CSMD1: variants seen among roughly 807,000 people sequenced by gnomAD.
CSMD1 encodes CUB and Sushi multiple domains 1.
CSMD1 carries 213 observed loss-of-function variants against 417.5 expected under a neutral mutation model. The ratio of observed to expected loss-of-function variants is 0.51; its 90% confidence interval spans 0.46 to 0.57. CSMD1 has a LOEUF of 0.57. Among genes scored for constraint, CSMD1 ranks in the 20% least tolerant of loss-of-function variants. The pLI, the probability that CSMD1 is intolerant of heterozygous loss-of-function variation, is 0.00. For missense variants in CSMD1, 6,923 were observed against 4,529.7 expected (o/e 1.53, Z -15.17); for synonymous variants, 2,862 against 1,736.8 (o/e 1.65, Z -16.11).
chr8:4,672,284 C>G (rs555145015), intron 1 of CSMD1, among the ~76,000 whole-genome samples: 1 of 152,076 alleles, frequency 6.6e-6, no homozygotes, highest in African/African-American at 2.4e-5. Flanking sequence ...TTGTGCTCTC[C>G]CAAATGAAAA....
At chr8:4,526,583 G>C (rs1796524497) in intron 2 of CSMD1, among the ~76,000 whole-genome samples, 2 of 152,276 alleles carry the variant, frequency 1.3e-5, no homozygotes, top group South Asian at 4.1e-4. Flanking sequence ...CACACACATT[G>C]GTAAACACTG....
intron 12 of CSMD1, among the ~76,000 whole-genome samples, chr8:3,444,446 A>G (rs1378410560): frequency 6.6e-6 from 1 of 152,194 alleles, no homozygotes; most frequent in Non-Finnish European, 1.5e-5. Flanking sequence ...AAACAATAAA[A>G]GAAATTACTG....
At chr8:4,548,737 C>T (rs936243951) in intron 2 of CSMD1, among the ~76,000 whole-genome samples, 1 of 152,064 alleles carries the variant, frequency 6.6e-6, no homozygotes, top group Non-Finnish European at 1.5e-5. Context: ...AAGGTAATTA[C>T]AGAACCGCTT....
At chr8:3,291,773 G>C (rs762855288) in intron 25 of CSMD1, among the ~76,000 whole-genome samples, 2 of 151,716 alleles carry the variant, frequency 1.3e-5, no homozygotes, top group Non-Finnish European at 2.9e-5. Flanking sequence ...TGTCCAAAAA[G>C]TCAGCTCCTG....
At chr8:3,609,865 C>A (rs780220862) in intron 8 of CSMD1, among the ~76,000 whole-genome samples, 1 of 118,966 alleles carries the variant, frequency 8.4e-6, no homozygotes, top group Non-Finnish European at 1.6e-5. Context: ...GTCCCCCAGG[C>A]TGAAGTGAAG....
chr8:4,040,015 G>T (rs757598450), intron 3 of CSMD1, among the ~76,000 whole-genome samples: 30 of 151,824 alleles, frequency 2.0e-4, no homozygotes, highest in Non-Finnish European at 5.9e-5. Context: ...TACATGTCAG[G>T]ACTGTTAAAA....
chr8:3,042,069 A>G (rs1811133588), intron 50 of CSMD1, among the ~76,000 whole-genome samples: 1 of 152,064 alleles, frequency 6.6e-6, no homozygotes, highest in South Asian at 2.1e-4. Flanking sequence ...TCATCATCAC[A>G]CAATGGTTTC....
intron 3 of CSMD1, among the ~76,000 whole-genome samples, chr8:4,112,028 T>G (rs1801883306): frequency 6.6e-6 from 1 of 152,206 alleles, no homozygotes. Flanking sequence ...ATGAAATGTA[T>G]AAAAATCTAC....
chr8:3,933,405 G>C (rs1244603015), intron 5 of CSMD1, among the ~76,000 whole-genome samples: 1 of 152,110 alleles, frequency 6.6e-6, no homozygotes, highest in South Asian at 2.1e-4. Context: ...GAGTCTATCA[G>C]GACTTGTATG....
intron 1 of CSMD1, among the ~76,000 whole-genome samples, chr8:4,964,376 G>A (rs528392719): frequency 2.6e-5 from 4 of 151,620 alleles, no homozygotes; most frequent in South Asian, 2.1e-4. Flanking sequence ...AAAATAAGCC[G>A]GGTCTAGTGG....
chr8:3,189,143 T>C, intron 34 of CSMD1, 132 bp from the exon 35 acceptor site: 1 of 754,528 alleles, frequency 1.3e-6, no homozygotes, highest in Non-Finnish European at 2.0e-6. Context: ...TAAACGGCAC[T>C]TTTAGCCAAG....
chr8:3,387,692 C>T lies in CSMD1; in HGVS notation c.2594-10G>A. The T allele has an allele frequency of 1.9e-6, 3 of 1,586,932 alleles. No homozygotes were observed. Among genetic ancestry groups the T allele is most frequent in the Non-Finnish European group, 1.7e-6 (2 of 1,166,132 alleles). On this transcript the variant is annotated splice_polypyrimidine_tract_variant and intron_variant, in intron 17 of 69. Transcript: ENST00000635120. ...GACTCAAGCGTCACACCTGGATGCA[C>T]AGAACGAATGCAGTCGATGAGGATC...
intron 4 of CSMD1, among the ~76,000 whole-genome samples, chr8:4,019,125 A>G (rs866827402): frequency 6.6e-6 from 1 of 152,186 alleles, no homozygotes; most frequent in African/African-American, 2.4e-5. Flanking sequence ...GTACTAGGCC[A>G]TGGTATCGTA....
Position 3,611,278 on chromosome 8 carries a change from G to C in CSMD1, c.1097+5432C>G, listed in dbSNP as rs951704646. 2.0e-5 allele frequency among the ~76,000 whole-genome samples: 3 copies of C among 151,932 alleles called. No homozygotes were observed. In the South Asian group the frequency reaches 6.2e-4, roughly 32 times the overall value. ...AAAAAAAAAGAAAGTCCTTGAGGGA[G>C]CAGGGAAAATGATTGTTTTAATAAA... On this transcript the variant is annotated intron_variant, in intron 8 of 69. Coordinates refer to ENST00000635120, the MANE Select transcript of CSMD1 (RefSeq NM_033225.6).
At chr8:3,856,427 T>C (rs1193755849) in intron 5 of CSMD1, among the ~76,000 whole-genome samples, 1 of 152,168 alleles carries the variant, frequency 6.6e-6, no homozygotes, top group Non-Finnish European at 1.5e-5. Flanking sequence ...TTTATAGCAA[T>C]GCAAGAACAG....
rs539288344 is a variant in CSMD1 at position 4,533,010 on chromosome 8, C to G, written c.302+104332G>C. On this transcript the variant is annotated intron_variant, in intron 2 of 69. Transcript: ENST00000635120. ...GGAAAAGAAATCCTGCACCCCTACTCACAGTCACTCCGGAGTTTCTCCTCC... is the reference window on the plus strand; with the variant it reads ...GGAAAAGAAATCCTGCACCCCTACTGACAGTCACTCCGGAGTTTCTCCTCC... Among the ~76,000 whole-genome samples the G allele has an allele frequency of 1.7e-3, 252 of 152,250 alleles. 1 individual carries two copies. The highest frequency in any genetic ancestry group is 5.6e-3 in the African/African-American group (231 of 41,544).
At chr8:3,309,355 C>T (rs577250828) in intron 23 of CSMD1, among the ~76,000 whole-genome samples, 6 of 151,372 alleles carry the variant, frequency 4.0e-5, no homozygotes, top group Admixed American at 2.0e-4. Flanking sequence ...GAATTACTGC[C>T]GACCACACTC....
At chr8:3,728,545 T>A (rs1200832367) in intron 6 of CSMD1, among the ~76,000 whole-genome samples, 4 of 152,196 alleles carry the variant, frequency 2.6e-5, no homozygotes, top group African/African-American at 9.6e-5. Flanking sequence ...AAACGTAGGT[T>A]TGCCTATGTT....
chr8:4,034,869 T>A (rs1242871514), intron 3 of CSMD1, among the ~76,000 whole-genome samples: 1 of 152,170 alleles, frequency 6.6e-6, no homozygotes, highest in African/African-American at 2.4e-5. Flanking sequence ...CGGTTATCAA[T>A]GGAAATCTAT....
Sources: allele counts gnomAD v4.1 joint callset (sites outside exome capture counted in the v4.1 genomes callset), GRCh38; gene constraint gnomAD v4.1.1; transcripts MANE v1.5; gene names NCBI Gene and HGNC (gene_info 2026-07-23, HGNC 2026-07-21).